Variants in RBM38 observed in about 807,000 individuals in gnomAD.
The protein encoded by RBM38 is RNA-binding protein 38.
In RBM38, 11 loss-of-function variants were observed where a neutral mutation model predicts 23.5. The ratio of observed to expected loss-of-function variants is 0.47; its 90% CI spans 0.29 to 0.77. The LOEUF (loss-of-function observed/expected upper bound fraction) is 0.77, where lower values mean the gene tolerates loss of function less well. RBM38 is among the 30% of genes least tolerant of loss of function. The pLI is 0.08. For synonymous variants in RBM38, 165 were observed against 166.1 expected, an observed-to-expected ratio of 0.99 and a Z score of 0.05; for missense variants, 330 against 351.9, an observed-to-expected ratio of 0.94 and a Z score of 0.50.
At chr20:57,396,751 G>A (rs1039502663) in intron 3 of RBM38, among the ~76,000 whole-genome samples, 1 of 152,152 alleles carries the variant, frequency 6.6e-6, no homozygotes, top group Non-Finnish European at 1.5e-5. Context: ...ATTGCCAAAT[G>A]TCCCCTGGAT....
chr20:57,394,060 A>G (rs6092472), intron 3 of RBM38, among the ~76,000 whole-genome samples: 63,060 of 151,880 alleles, frequency 0.42, 15,176 homozygotes, highest in African/African-American at 0.66. Context: ...TGATGGATGG[A>G]AGCTGTCTGC....
chr20:57,392,912 A>G, intron 2 of RBM38, 135 bp downstream of exon 2: 2 of 1,223,334 alleles, frequency 1.6e-6, no homozygotes, highest in South Asian at 1.5e-5. Flanking sequence ...GAGCCGGCAC[A>G]GGGCAGCCAT....
At chr20:57,391,879 C>T in intron 1 of RBM38, 61 bp downstream of exon 1, 1 of 1,272,322 alleles carries the variant, frequency 7.9e-7, no homozygotes. Flanking sequence ...GCCCGGGCGC[C>T]GAGTCCACTC....
At chr20:57,392,013 C>CCCCCG (rs2067222462) in intron 1 of RBM38, among the ~76,000 whole-genome samples, 195 bp downstream of exon 1, 1 of 66,456 alleles carries the variant, frequency 1.5e-5, no homozygotes, top group African/African-American at 6.2e-5. Context: ...CAGGCCCCGG[C>CCCCCG]CCCCACCCCC....
chr20:57,405,596 C>G (rs896793944), intron 3 of RBM38, among the ~76,000 whole-genome samples: 1 of 152,222 alleles, frequency 6.6e-6, no homozygotes, highest in Non-Finnish European at 1.5e-5. Context: ...GTAGAAACTT[C>G]CCACACACTT....
chr20:57,391,956 T>C (rs1484851670), intron 1 of RBM38, 138 bp downstream of exon 1: 5 of 312,566 alleles, frequency 1.6e-5, no homozygotes, highest in Admixed American at 9.6e-5. Context: ...CGCCCGCACC[T>C]GCCGCCTCTC....
intron 3 of RBM38, among the ~76,000 whole-genome samples, chr20:57,405,373 CT>C (rs1386163650): frequency 1.6e-4 from 25 of 152,204 alleles, no homozygotes; most frequent in Admixed American, 5.9e-4. Context: ...GCGCGAGGCC[CT>C]TGTTCCCATG....
chr20:57,397,143 C>T (rs768531541), intron 3 of RBM38, among the ~76,000 whole-genome samples: 20 of 152,204 alleles, frequency 1.3e-4, no homozygotes, highest in Non-Finnish European at 1.8e-4. Context: ...TGAGTGAGAA[C>T]GGTCACACTG....
chr20:57,407,429 TGAG>T lies in RBM38; in HGVS notation c.417-111_417-109del. 1 of 1,225,768 alleles carries T rather than the reference TGAG, an allele frequency of 8.2e-7. No individual in the cohort carries two copies. The highest frequency in any genetic ancestry group is 1.1e-6 in the Non-Finnish European group (1 of 870,834). 75.9% of individuals were successfully genotyped at this position (1,225,768 alleles called of 1,614,324 possible). On this transcript the variant is annotated intron_variant, in intron 3 of 3. Coordinates refer to ENST00000356208, the MANE Select transcript of RBM38 (RefSeq NM_017495.6). This position sits in a 1 kb window ranked among gnomAD's most constrained non-coding sequence, Gnocchi z 4.0. Reference sequence around the variant, plus strand: ...GCTGTTTCTGTGCCCATCTGACCGATGAGGAAAGTCGGGGCTCGGGGTGGGGGG... The same window carrying T: ...GCTGTTTCTGTGCCCATCTGACCGATGAAAGTCGGGGCTCGGGGTGGGGGG...
chr20:57,401,463 G>T (rs1348618256), intron 3 of RBM38, among the ~76,000 whole-genome samples: 1 of 152,164 alleles, frequency 6.6e-6, no homozygotes, highest in Non-Finnish European at 1.5e-5. Flanking sequence ...GGGACTCTTG[G>T]CCTGGGAAGC....
intron 3 of RBM38, chr20:57,400,104 A>G (rs367623920): frequency 7.8e-5 from 33 of 425,220 alleles, no homozygotes; most frequent in Admixed American, 5.4e-5. Context: ...CTTGGGGGCA[A>G]TCTGTTGGAC....
At chr20:57,402,255 A>G (rs888897612) in intron 3 of RBM38, among the ~76,000 whole-genome samples, 29 of 152,306 alleles carry the variant, frequency 1.9e-4, no homozygotes, top group South Asian at 1.4e-3. Flanking sequence ...GACAGCTCCA[A>G]CTGCTGCTGG....
At chr20:57,397,118 G>A (rs1462430341) in intron 3 of RBM38, among the ~76,000 whole-genome samples, 1 of 152,216 alleles carries the variant, frequency 6.6e-6, no homozygotes, top group Non-Finnish European at 1.5e-5. Flanking sequence ...GTCTCTGCAG[G>A]CTCCTCCCCA....
intron 3 of RBM38, among the ~76,000 whole-genome samples, chr20:57,396,012 C>G (rs1377257678): frequency 6.6e-6 from 1 of 152,206 alleles, no homozygotes; most frequent in Non-Finnish European, 1.5e-5. Context: ...TGACCCCGAC[C>G]TTTTATACCT....
Position 57,392,685 on chromosome 20 carries a change from G to A in RBM38, c.269G>A (p.Arg90Lys). 1.2e-6 allele frequency: 2 copies of A among 1,612,760 alleles called. No homozygotes were observed. Among genetic ancestry groups the A allele is most frequent in the Non-Finnish European group, 1.7e-6 (2 of 1,179,828 alleles). Residue 90 changes from arginine to lysine, a missense_variant, in exon 2 of 4, where the codon AGG becomes AAG. Physicochemically the swap from Arg to Lys is conservative, Grantham distance 26. This residue lies in a region of RBM38 where 227 missense variants were observed against 216.4 expected (regional missense o/e 1.05). Transcript: ENST00000356208. ...VTMADRAAAE[R>K]ACKDPNPIID... ...ATGGCCGACCGGGCGGCAGCTGAGA[G>A]GGCTTGCAAAGACCCGAACCCCATC...
rs73917113 is a variant in RBM38, at chr20:57,392,216, C to G, written c.237+398C>G. The stretch of plus-strand genomic sequence containing the variant: ...CCTCCCCCATATTTTTAACAGCCCT[C>G]TCAGCCGCCCCAAATAAACATCAGC... On this transcript the variant is annotated intron_variant, in intron 1 of 3. Transcript: ENST00000356208. 2,798 of 345,014 alleles carry G rather than the reference C, an allele frequency of 8.1e-3. 55 individuals carry two copies. The highest frequency in any genetic ancestry group is 0.048 in the African/African-American group (2,188 of 45,968). 21.4% of individuals were successfully genotyped at this position (345,014 alleles called of 1,614,324 possible). A position where few individuals can be genotyped will look rare whatever the true frequency, so the allele number is the denominator to read the frequency against.
intron 3 of RBM38, among the ~76,000 whole-genome samples, chr20:57,406,643 T>C (rs899116333): frequency 6.6e-6 from 1 of 152,048 alleles, no homozygotes; most frequent in Non-Finnish European, 1.5e-5. Flanking sequence ...ACGCAGTCAC[T>C]CTCACATCCT....
intron 3 of RBM38, among the ~76,000 whole-genome samples, chr20:57,396,753 C>T (rs117621405): frequency 0.036 from 5,534 of 152,296 alleles, 158 homozygotes; most frequent in Non-Finnish European, 0.052. Flanking sequence ...TGCCAAATGT[C>T]CCCTGGATTT....
intron 3 of RBM38, among the ~76,000 whole-genome samples, chr20:57,398,552 T>G (rs113970248): frequency 8.4e-4 from 122 of 144,844 alleles, no homozygotes; most frequent in South Asian, 8.3e-3. Flanking sequence ...GCCGCCCCCC[T>G]GCCCCCCCAC....
Sources: allele counts gnomAD v4.1 joint callset (sites outside exome capture counted in the v4.1 genomes callset), GRCh38; gene constraint gnomAD v4.1.1; regional missense constraint gnomAD v4.1.1; non-coding constraint Gnocchi (gnomAD v3.1); transcripts MANE v1.5; gene names NCBI Gene and HGNC (gene_info 2026-07-23, HGNC 2026-07-21).